The following SEMA3A variants were observed in gnomAD, a reference collection of about 807,000 sequenced individuals.
The protein encoded by SEMA3A is semaphorin-3A.
A neutral mutation model predicts 97.9 loss-of-function variants in SEMA3A; 29 were observed. That is an observed-to-expected ratio of 0.30 (90% confidence interval 0.22 to 0.40). The LOEUF is 0.40. Among genes scored for constraint, SEMA3A ranks in the 10% least tolerant of loss-of-function variants. The pLI, the probability that SEMA3A is intolerant of heterozygous loss-of-function variation, is 1.00. For synonymous variants in SEMA3A, 321 were observed against 323.7 expected, an observed-to-expected ratio of 0.99 and a Z score of 0.09; for missense variants, 763 against 951.3, an observed-to-expected ratio of 0.80 and a Z score of 2.60.
chr7:84,296,903 A>C (rs2115807130), intron 3 of SEMA3A, among the ~76,000 whole-genome samples: 1 of 152,310 alleles, frequency 6.6e-6, no homozygotes, highest in South Asian at 2.1e-4. Context: ...AACCACTTCA[A>C]ATTATGTCAA....
chr7:83,971,599 A>T (rs927433243), intron 15 of SEMA3A, among the ~76,000 whole-genome samples: 2 of 152,162 alleles, frequency 1.3e-5, no homozygotes, highest in East Asian at 3.9e-4. Context: ...CACCAATTAG[A>T]TTCTATGTAA....
intron 1 of SEMA3A, among the ~76,000 whole-genome samples, chr7:84,488,171 T>C (rs1408415263): frequency 6.6e-6 from 1 of 152,010 alleles, no homozygotes; most frequent in Non-Finnish European, 1.5e-5. Flanking sequence ...TTTTATTTTC[T>C]TCACAAAGAA....
At chr7:84,146,579 T>C (rs1796469097) in intron 1 of SEMA3A, among the ~76,000 whole-genome samples, 1 of 152,206 alleles carries the variant, frequency 6.6e-6, no homozygotes, top group African/African-American at 2.4e-5. Flanking sequence ...TTTTTACTTC[T>C]TGAGGGAATA....
At chr7:84,122,725 C>G (rs546669450) in intron 3 of SEMA3A, among the ~76,000 whole-genome samples, 1 of 152,206 alleles carries the variant, frequency 6.6e-6, no homozygotes, top group African/African-American at 2.4e-5. Flanking sequence ...TTGGAATGCA[C>G]TGTAACTTTA....
chr7:84,372,269 C>T (rs1745961804), intron 1 of SEMA3A: 1 of 152,118 alleles, frequency 6.6e-6, no homozygotes, highest in Admixed American at 6.6e-5. Context: ...TTCCGGCTAT[C>T]TTCTTTCACA....
At chr7:84,125,212 G>C (rs1458697189) in intron 3 of SEMA3A, among the ~76,000 whole-genome samples, 1 of 151,884 alleles carries the variant, frequency 6.6e-6, no homozygotes, top group African/African-American at 2.4e-5. Flanking sequence ...CATTATTAAG[G>C]CAATGTTATC....
chr7:84,368,531 A>T (rs891144354), intron 2 of SEMA3A, among the ~76,000 whole-genome samples: 5 of 150,996 alleles, frequency 3.3e-5, no homozygotes, highest in African/African-American at 1.2e-4. Context: ...GTTTTAATGT[A>T]CTGTATAATG....
chr7:84,400,831 G>A (rs1803880953), intron 1 of SEMA3A, among the ~76,000 whole-genome samples: 1 of 152,108 alleles, frequency 6.6e-6, no homozygotes, highest in African/African-American at 2.4e-5. Flanking sequence ...ATCCTTTCAT[G>A]ACCAAAGCTC....
At chr7:84,428,428 A>C (rs1347937385) in intron 1 of SEMA3A, among the ~76,000 whole-genome samples, 2 of 152,096 alleles carry the variant, frequency 1.3e-5, no homozygotes, top group Non-Finnish European at 1.5e-5. Flanking sequence ...ATATTTGTAC[A>C]TGATTTCAAA....
chr7:84,236,190 T>C (rs923441773), intron 3 of SEMA3A, among the ~76,000 whole-genome samples: 2 of 152,100 alleles, frequency 1.3e-5, no homozygotes, highest in Non-Finnish European at 2.9e-5. Flanking sequence ...TTAAAAATTT[T>C]AGTTTTCTTG....
chr7:84,085,264 T>C (rs1394930736), intron 4 of SEMA3A, among the ~76,000 whole-genome samples: 1 of 151,364 alleles, frequency 6.6e-6, no homozygotes, highest in Admixed American at 6.6e-5. Flanking sequence ...ACTGCATCAA[T>C]GGACTGCATT....
intron 1 of SEMA3A, among the ~76,000 whole-genome samples, chr7:84,466,474 C>T (rs1287597945): frequency 6.6e-6 from 1 of 151,952 alleles, no homozygotes; most frequent in East Asian, 1.9e-4. Flanking sequence ...CACCCAGCCT[C>T]CAACTAATTT....
chr7:84,122,668 T>G (rs552846017), intron 3 of SEMA3A, among the ~76,000 whole-genome samples: 8 of 152,270 alleles, frequency 5.3e-5, no homozygotes, highest in African/African-American at 1.9e-4. Flanking sequence ...TCATGTCAAA[T>G]TTGACCTTTG....
chr7:84,101,159 T>C (rs1286429653), intron 4 of SEMA3A, among the ~76,000 whole-genome samples: 1 of 152,206 alleles, frequency 6.6e-6, no homozygotes, highest in Non-Finnish European at 1.5e-5. Context: ...ATTTAGATTA[T>C]GATATATCTT....
intron 3 of SEMA3A, among the ~76,000 whole-genome samples, chr7:84,203,502 G>GTGTGTA (rs1348437430): frequency 3.5e-5 from 2 of 56,998 alleles, no homozygotes; most frequent in African/African-American, 1.4e-4. Context: ...TTGTGTGTGT[G>GTGTGTA]TATATATATA....
chr7:84,319,396 C>T (rs1478044693), intron 2 of SEMA3A, among the ~76,000 whole-genome samples: 1 of 151,730 alleles, frequency 6.6e-6, no homozygotes, highest in African/African-American at 2.4e-5. Flanking sequence ...GTGCACCAAA[C>T]AGGAAGGGGG....
chr7:84,404,048 G>A (rs192530248), intron 1 of SEMA3A, among the ~76,000 whole-genome samples: 6 of 152,308 alleles, frequency 3.9e-5, no homozygotes, highest in East Asian at 1.9e-4. Context: ...GACGGAGAAC[G>A]ACTTTGAAGA....
intron 1 of SEMA3A, among the ~76,000 whole-genome samples, chr7:84,176,914 T>C (rs1323973032): frequency 1.3e-5 from 2 of 152,142 alleles, no homozygotes; most frequent in Non-Finnish European, 2.9e-5. Flanking sequence ...CTAAGCCTTC[T>C]TCCACTGTTG....
chr7:84,464,231 C>A (rs1301554744), intron 1 of SEMA3A, among the ~76,000 whole-genome samples: 2 of 152,120 alleles, frequency 1.3e-5, no homozygotes, highest in African/African-American at 4.8e-5. Flanking sequence ...ATTTTTTCAG[C>A]CTAAGCAATG....
Sources: gnomAD v4.1 joint callset for allele counts (sites outside exome capture counted in the v4.1 genomes callset) on GRCh38, gnomAD v4.1.1 for gene constraint, MANE v1.5 for transcripts, NCBI Gene and HGNC (gene_info 2026-07-23, HGNC 2026-07-21) for gene names.